Variants in DTX4 observed in about 807,000 individuals in gnomAD.
DTX4 encodes the protein E3 ubiquitin-protein ligase DTX4.
DTX4 carries 28 observed loss-of-function variants against 57.6 expected under a neutral mutation model. The observed-to-expected ratio is 0.49, with a 90% confidence interval of 0.36 to 0.67. The LOEUF is 0.67. Ranked by LOEUF, DTX4 falls within the 30% of genes least tolerant of loss-of-function variation. DTX4 has a pLI of 0.00. For synonymous variants in DTX4, 316 were observed against 331.0 expected, an observed-to-expected ratio of 0.95 and a Z score of 0.49; for missense variants, 715 against 836.8, an observed-to-expected ratio of 0.85 and a Z score of 1.80.
At chr11:59,201,599 G>T (rs1019222503) in intron 8 of DTX4, among the ~76,000 whole-genome samples, 1 of 152,210 alleles carries the variant, frequency 6.6e-6, no homozygotes, top group Admixed American at 6.5e-5. Context: ...ATGTCAAAGG[G>T]TATGGATATG....
chr11:59,196,837 A>T (rs1862678236), intron 7 of DTX4, among the ~76,000 whole-genome samples: 1 of 152,138 alleles, frequency 6.6e-6, no homozygotes, highest in East Asian at 1.9e-4. Flanking sequence ...TATCTCACTG[A>T]TTCTTCATTA....
chr11:59,198,836 G>T (rs943871269), intron 7 of DTX4, among the ~76,000 whole-genome samples: 1 of 152,184 alleles, frequency 6.6e-6, no homozygotes, highest in African/African-American at 2.4e-5. Context: ...CCTTTGTATG[G>T]GGAGGAGGGG....
rs1862336685 is a variant in DTX4, at chr11:59,172,392, C to T, written c.-204C>T. 1 of 172,948 alleles carries T rather than the reference C, an allele frequency of 5.8e-6. No homozygotes were observed. The highest frequency in any genetic ancestry group is 1.2e-5 in the Non-Finnish European group (1 of 83,882). 10.7% of individuals were successfully genotyped at this position (172,948 alleles called of 1,614,324 possible). On this transcript the variant is annotated 5_prime_UTR_variant, in exon 1 of 9. Transcript: ENST00000227451. ...CGGCGGCGGCGGCGCGCGGTCCCAG[C>T]CAGGCGGCCCCGGTGTCCCGGCCCC...
In DTX4 at chr11:59,207,470, G is replaced by C. The variant is rs1862828254; in HGVS notation, c.*2561G>C. On this transcript the variant is annotated 3_prime_UTR_variant, in exon 9 of 9. Transcript: ENST00000227451. Reference sequence around the variant, plus strand: ...CTCATCCTCGTGCTGTTCTTGTGTGGCTTTCTGGGCAGTAGGGATCTTGAA... The same window carrying C: ...CTCATCCTCGTGCTGTTCTTGTGTGCCTTTCTGGGCAGTAGGGATCTTGAA... 6.6e-6 allele frequency: 1 copy of C among 152,492 alleles called. No homozygotes were observed. Among genetic ancestry groups the C allele is most frequent in the South Asian group, 2.1e-4 (1 of 4,834 alleles). The allele number at this position is 152,492 out of a possible 1,614,324, so 9.4% of individuals were successfully genotyped here. A position where few individuals can be genotyped will look rare whatever the true frequency, so the allele number is the denominator to read the frequency against.
rs1862831516 is a variant in DTX4 at position 59,207,684 on chromosome 11, A to T, written c.*2775A>T. ...TCTGCTCTCCTGGCCCAAGTAGGGG[A>T]TTCCATGCCTTCCCTTTCATGGTCT... is the stretch of plus-strand genomic sequence containing the variant. On this transcript the variant is annotated 3_prime_UTR_variant, in exon 9 of 9. Transcript: ENST00000227451. 6.6e-6 allele frequency: 1 copy of T among 152,644 alleles called. No homozygotes were observed. Among genetic ancestry groups the T allele is most frequent in the African/African-American group, 2.4e-5 (1 of 41,444 alleles). The allele number at this position is 152,644 out of a possible 1,614,324, so 9.5% of individuals were successfully genotyped here.
At chr11:59,178,850 C>T (rs968780158) in intron 1 of DTX4, among the ~76,000 whole-genome samples, 3 of 151,886 alleles carry the variant, frequency 2.0e-5, no homozygotes, top group Non-Finnish European at 2.9e-5. Context: ...AGGGACCTAG[C>T]GAATTGTGGG....
At chr11:59,186,289 G>A (rs1862527341) in intron 2 of DTX4, among the ~76,000 whole-genome samples, 1 of 152,178 alleles carries the variant, frequency 6.6e-6, no homozygotes, top group South Asian at 2.1e-4. Context: ...GTGTTCTGGG[G>A]ATTGGATTAT....
Position 59,172,227 on chromosome 11 carries a change from C to T in DTX4, c.-369C>T, listed in dbSNP as rs1335421808. 6.6e-6 allele frequency among the ~76,000 whole-genome samples: 1 copy of T among 152,066 alleles called. No homozygotes were observed. The highest frequency in any genetic ancestry group is 1.9e-4 in the East Asian group (1 of 5,158). ...GGCTGGGTCCTTGCCTCGCCGTCAG[C>T]CCCAGCTCGCGGCCGCCGGGGCTCG... On this transcript the variant is annotated 5_prime_UTR_variant, in exon 1 of 9. Coordinates refer to ENST00000227451, the MANE Select transcript of DTX4 (RefSeq NM_015177.2).
intron 8 of DTX4, among the ~76,000 whole-genome samples, chr11:59,203,993 T>C (rs142762105): frequency 6.6e-6 from 1 of 152,350 alleles, no homozygotes; most frequent in Non-Finnish European, 1.5e-5. Context: ...TTTTTCTTCA[T>C]GCTGGACACT....
At chr11:59,200,606 C>G (rs1293190736) in intron 8 of DTX4, among the ~76,000 whole-genome samples, 4 of 152,270 alleles carry the variant, frequency 2.6e-5, no homozygotes, top group African/African-American at 9.6e-5. Context: ...TTTGTATGTA[C>G]TTTCATATTA....
rs1565216655 is a variant in DTX4, at chr11:59,182,222, T to C, written c.695T>C (p.Leu232Pro). ...PPPGVVKLPPLPGSGAKPLDS... is the reference protein window; with the variant it reads ...PPPGVVKLPPPPGSGAKPLDS... ...CCTGGAGTGGTCAAGCTACCCCCAC[T>C]GCCAGGCTCTGGGGCCAAGCCACTG... Residue 232 changes from leucine (L) to proline (P), a missense_variant, in exon 2 of 9, where the codon CTG (leucine) becomes CCG (proline). Coordinates refer to ENST00000227451, the MANE Select transcript of DTX4 (RefSeq NM_015177.2). 24 of 1,609,402 alleles carry C rather than the reference T, an allele frequency of 1.5e-5. No homozygotes were observed. The highest frequency in any genetic ancestry group is 2.0e-5 in the Non-Finnish European group (23 of 1,177,558).
chr11:59,200,125 G>T (rs780825009), intron 8 of DTX4, among the ~76,000 whole-genome samples: 1 of 152,206 alleles, frequency 6.6e-6, no homozygotes, highest in African/African-American at 2.4e-5. Context: ...AAGATGAAAG[G>T]CAACTCTTAT....
intron 1 of DTX4, among the ~76,000 whole-genome samples, chr11:59,177,760 C>T (rs575027729): frequency 2.6e-5 from 4 of 152,246 alleles, no homozygotes; most frequent in South Asian, 4.1e-4. Context: ...CCATTTTTAC[C>T]TCTCAAAATT....
chr11:59,188,700 C>T (rs1348287679), intron 2 of DTX4, 35 bp from the exon 3 acceptor site: 2 of 1,587,834 alleles, frequency 1.3e-6, no homozygotes, highest in Non-Finnish European at 1.7e-6. Flanking sequence ...TTCCACGTGT[C>T]AAAATGACAT....
intron 6 of DTX4, among the ~76,000 whole-genome samples, chr11:59,193,939 A>G (rs992581830): frequency 3.3e-5 from 5 of 152,186 alleles, no homozygotes; most frequent in Non-Finnish European, 2.9e-5. Flanking sequence ...GCAGCAGCAC[A>G]TTTTACACAC....
intron 7 of DTX4, 98 bp downstream of exon 7, chr11:59,195,467 C>T: frequency 2.2e-6 from 3 of 1,380,218 alleles, no homozygotes; most frequent in Middle Eastern, 1.9e-4. Flanking sequence ...GTCTCCTTCC[C>T]ACACTTTTCC....
chr11:59,198,776 G>A (rs772171027), intron 7 of DTX4, among the ~76,000 whole-genome samples: 28 of 152,194 alleles, frequency 1.8e-4, no homozygotes, highest in Non-Finnish European at 3.2e-4. Context: ...GGTTTTTAAA[G>A]AGGGTTCCAT....
At chr11:59,188,182 A>G (rs1862550342) in intron 2 of DTX4, among the ~76,000 whole-genome samples, 1 of 152,132 alleles carries the variant, frequency 6.6e-6, no homozygotes, top group South Asian at 2.1e-4. Context: ...TAGAGCCTAG[A>G]TTCTAGAAGG....
chr11:59,194,582 C>G (rs182261959), intron 6 of DTX4, among the ~76,000 whole-genome samples: 3 of 152,194 alleles, frequency 2.0e-5, no homozygotes, highest in African/African-American at 7.2e-5. Flanking sequence ...ATTTAATTCT[C>G]CCAACAACCC....
Sources: gnomAD v4.1 joint callset for allele counts (sites outside exome capture counted in the v4.1 genomes callset) on GRCh38, gnomAD v4.1.1 for gene constraint, MANE v1.5 for transcripts, NCBI Gene and HGNC (gene_info 2026-07-23, HGNC 2026-07-21) for gene names.